LRRC3C: variants seen among roughly 807,000 people sequenced by gnomAD.
The protein encoded by LRRC3C is leucine-rich repeat-containing protein 3C.
In LRRC3C, 11 loss-of-function variants were observed where a neutral mutation model predicts 14.8. The ratio of observed to expected loss-of-function variants is 0.74; its 90% confidence interval spans 0.47 to 1.23. The LOEUF (loss-of-function observed/expected upper bound fraction) is 1.23, where lower values mean the gene tolerates loss of function less well. LRRC3C is among the 50% of genes most tolerant of loss of function. The pLI is 0.00. For missense variants in LRRC3C, 354 were observed against 361.8 expected (o/e 0.98, Z 0.18); for synonymous variants, 149 against 161.5 (o/e 0.92, Z 0.59).
At chr17:39,937,911 C>T (rs1234243183) in intron 2 of LRRC3C, among the ~76,000 whole-genome samples, 1 of 151,836 alleles carries the variant, frequency 6.6e-6, no homozygotes, top group Non-Finnish European at 1.5e-5. Context: ...GCAAGTGGAT[C>T]ACCTGAGGTC....
intron 2 of LRRC3C, among the ~76,000 whole-genome samples, chr17:39,940,145 T>C (rs975013202): frequency 1.3e-5 from 2 of 152,242 alleles, no homozygotes; most frequent in Non-Finnish European, 2.9e-5. Context: ...ATCTGATTCC[T>C]TAGACAAATG....
intron 1 of LRRC3C, among the ~76,000 whole-genome samples, chr17:39,931,840 AG>A (rs1420275540): frequency 6.6e-6 from 1 of 151,856 alleles, no homozygotes. Flanking sequence ...TAGTTGAGAC[AG>A]GGTTTCACCA....
intron 1 of LRRC3C, chr17:39,929,413 C>G (rs1330100872): frequency 1.3e-5 from 2 of 152,170 alleles, no homozygotes; most frequent in Non-Finnish European, 2.9e-5. Context: ...CTGACTCACT[C>G]TAGGTTTGTG....
chr17:39,929,470 G>T (rs1179811714), intron 1 of LRRC3C: 2 of 152,070 alleles, frequency 1.3e-5, no homozygotes, highest in African/African-American at 2.4e-5. Context: ...AGTCCCTGTT[G>T]TCATCTTTCT....
chr17:39,942,856 A>G (rs746127793), intron 3 of LRRC3C, among the ~76,000 whole-genome samples: 3 of 152,116 alleles, frequency 2.0e-5, no homozygotes, highest in Admixed American at 6.6e-5. Flanking sequence ...GAGACACTGG[A>G]TGTGAGATGG....
intron 1 of LRRC3C, among the ~76,000 whole-genome samples, chr17:39,932,193 C>A (rs974005846): frequency 6.6e-6 from 1 of 151,924 alleles, no homozygotes; most frequent in African/African-American, 2.4e-5. Context: ...CACTGGTGTT[C>A]GGAAAAAATA....
Position 39,944,728 on chromosome 17 carries a change from G to A in LRRC3C, c.822G>A (p.Val274=). 4.6e-6 allele frequency: 7 copies of A among 1,535,868 alleles called. No homozygotes were observed. Among genetic ancestry groups the A allele is most frequent in the East Asian group, 2.4e-5 (1 of 40,918 alleles). ...AGGACTCCTCCATCCTCAGCACAGT[G>A]GTCTGATGACCCAGGATGCTCCTCC... is the stretch of plus-strand genomic sequence containing the variant. The part of the protein sequence containing the change: ...RSEDSSILST[V]V Residue 274 remains valine (V), a synonymous_variant, in exon 4 of 4, where the codon GTG becomes GTA. Coordinates refer to ENST00000377924, the MANE Select transcript of LRRC3C (RefSeq NM_001195545.2).
chr17:39,939,525 C>A, intron 2 of LRRC3C: 1 of 495,122 alleles, frequency 2.0e-6, no homozygotes, highest in Non-Finnish European at 2.6e-6. Context: ...CAGATGAAGC[C>A]CCAGCATAAC....
chr17:39,943,327 G>C (rs530263997), intron 3 of LRRC3C, among the ~76,000 whole-genome samples: 1 of 152,314 alleles, frequency 6.6e-6, no homozygotes, highest in African/African-American at 2.4e-5. Context: ...GGAGGAGGAC[G>C]GGGAGGAGGA....
chr17:39,932,849 C>T (rs1030554364), intron 1 of LRRC3C, among the ~76,000 whole-genome samples: 1 of 151,750 alleles, frequency 6.6e-6, no homozygotes, highest in Non-Finnish European at 1.5e-5. Flanking sequence ...GTCAGGAGTT[C>T]GAGACCAGCC....
intron 1 of LRRC3C, among the ~76,000 whole-genome samples, chr17:39,934,967 A>G (rs1978757221): frequency 1.3e-5 from 2 of 152,016 alleles, no homozygotes; most frequent in South Asian, 4.1e-4. Context: ...AGCAGTGAGG[A>G]CCACCAGCGG....
chr17:39,941,651 C>A, intron 3 of LRRC3C, 102 bp downstream of exon 3: 3 of 1,025,948 alleles, frequency 2.9e-6, no homozygotes, highest in African/African-American at 1.6e-5. Context: ...CAATACAATA[C>A]CGTGGGTACC....
At position 39,944,833 on chromosome 17, in the gene LRRC3C, C is replaced by T. The variant is rs966588321; in HGVS notation, c.*99C>T. 2 of 1,082,226 alleles carry T rather than the reference C, an allele frequency of 1.8e-6. No homozygotes were observed. The highest frequency in any genetic ancestry group is 3.1e-5 in the African/African-American group (2 of 63,678). The allele number at this position is 1,082,226 out of a possible 1,614,324, so 67.0% of individuals were successfully genotyped here. A position where few individuals can be genotyped will look rare whatever the true frequency, so the allele number is the denominator to read the frequency against. ...GCCTCCTGTGCAGCTTCACCCCTGC[C>T]CCCAAGCCCATCCCACCCCTCCCTC... On this transcript the variant is annotated 3_prime_UTR_variant, in exon 4 of 4. Transcript: ENST00000377924.
At chr17:39,938,787 A>T (rs930541128) in intron 2 of LRRC3C, among the ~76,000 whole-genome samples, 4 of 152,154 alleles carry the variant, frequency 2.6e-5, no homozygotes, top group African/African-American at 9.7e-5. Flanking sequence ...GGCGTTCAAG[A>T]CCAGCCTGGC....
chr17:39,944,664 G>A lies in LRRC3C; in HGVS notation c.758G>A (p.Arg253His), dbSNP rs757063639. Reference protein sequence around the residue: ...YVWQNRDETRRSLKRAPVLPV... With the variant: ...YVWQNRDETRHSLKRAPVLPV... ...TGGCAGAACCGAGATGAGACCAGGC[G>A]CTCCCTCAAGCGGGCCCCAGTGCTG... Residue 253 changes from arginine to histidine, a missense_variant, in exon 4 of 4, where the codon CGC becomes CAC. Physicochemically the swap from Arg to His is conservative, Grantham distance 29. Coordinates refer to ENST00000377924, the MANE Select transcript of LRRC3C (RefSeq NM_001195545.2). The A allele has an allele frequency of 7.2e-6, 11 of 1,535,826 alleles. No individual in the cohort carries two copies. Among genetic ancestry groups the A allele is most frequent in the Middle Eastern group, 3.3e-4 (2 of 6,012 alleles).
At chr17:39,941,062 G>A (rs1978924772) in intron 2 of LRRC3C, among the ~76,000 whole-genome samples, 1 of 151,084 alleles carries the variant, frequency 6.6e-6, no homozygotes, top group African/African-American at 2.4e-5. Context: ...AAATTCTTAA[G>A]TTTTCACCTG....
intron 1 of LRRC3C, among the ~76,000 whole-genome samples, chr17:39,933,821 C>T (rs370795273): frequency 1.3e-5 from 2 of 152,232 alleles, no homozygotes; most frequent in Non-Finnish European, 1.5e-5. Context: ...CCTCCTCCCC[C>T]ACCTGCTTCC....
At chr17:39,942,367 G>A (rs1978962585) in intron 3 of LRRC3C, among the ~76,000 whole-genome samples, 2 of 152,182 alleles carry the variant, frequency 1.3e-5, no homozygotes, top group African/African-American at 4.8e-5. Flanking sequence ...GGCGTGGCCT[G>A]CAAATGATGC....
intron 3 of LRRC3C, 36 bp from the exon 4 acceptor site, chr17:39,943,897 A>G: frequency 2.5e-5 from 37 of 1,504,710 alleles, no homozygotes; most frequent in Non-Finnish European, 3.0e-5. Context: ...GATTCTCTTG[A>G]CTCACTCCTC....
Sources: gnomAD v4.1 joint callset for allele counts (sites outside exome capture counted in the v4.1 genomes callset) on GRCh38, gnomAD v4.1.1 for gene constraint, MANE v1.5 for transcripts, NCBI Gene and HGNC (gene_info 2026-07-23, HGNC 2026-07-21) for gene names.